Variants in ZNF607 observed in about 807,000 individuals in gnomAD.
ZNF607 encodes zinc finger protein 607.
A neutral mutation model predicts 12.8 loss-of-function variants in ZNF607; 5 were observed. The observed-to-expected ratio is 0.39, with a 90% CI of 0.20 to 0.82. The LOEUF is 0.82. Among genes scored for constraint, ZNF607 ranks in the 40% least tolerant of loss-of-function variants. The probability of loss-of-function intolerance (pLI) is 0.39; values close to 1 mark genes in which losing one functional copy is unlikely to be tolerated. For synonymous variants in ZNF607, 287 were observed against 276.2 expected (o/e 1.04, Z -0.39); for missense variants, 851 against 859.2 (o/e 0.99, Z 0.12).
chr19:37,706,221 G>GGAGAAAGGAGAGGAGAAAGGAGAA (rs2045082272), intron 4 of ZNF607, among the ~76,000 whole-genome samples: 2 of 149,482 alleles, frequency 1.3e-5, no homozygotes, highest in Non-Finnish European at 3.0e-5. Context: ...GGAGAAGAGA[G>GGAGAAAGGAGAGGAGAAAGGAGAA]GAGAAAGGAG....
At chr19:37,704,489 C>G (rs576665172) in intron 4 of ZNF607, among the ~76,000 whole-genome samples, 1 of 152,222 alleles carries the variant, frequency 6.6e-6, no homozygotes, top group South Asian at 2.1e-4. Flanking sequence ...GAAAACAAAC[C>G]AACATACTTC....
chr19:37,707,115 T>A (rs1459963310), intron 4 of ZNF607, among the ~76,000 whole-genome samples: 1 of 151,844 alleles, frequency 6.6e-6, no homozygotes, highest in Non-Finnish European at 1.5e-5. Flanking sequence ...TGTGAGCCAC[T>A]GAGCCCGGCC....
Position 37,699,139 on chromosome 19 carries a change from T to C in ZNF607, c.992A>G (p.Tyr331Cys). The C allele has an allele frequency of 6.2e-7, 1 of 1,614,182 alleles. No homozygotes were observed. Among genetic ancestry groups the C allele is most frequent in the Non-Finnish European group, 8.5e-7 (1 of 1,180,030 alleles). Residue 331 changes from tyrosine (Y) to cysteine (C), a missense_variant, in exon 5 of 5, where the codon TAT (tyrosine) becomes TGT (cysteine). Coordinates refer to ENST00000355202, the MANE Select transcript of ZNF607 (RefSeq NM_032689.5). The part of the protein sequence containing the change: ...RYQLTMHQRI[Y>C]SGEKHYECKE... ...ACATTCATAGTGTTTCTCCCCTGAA[T>C]AAATTCTCTGATGCATGGTAAGTTG... is the stretch of plus-strand genomic sequence containing the variant.
rs2045208162 is a variant in ZNF607 at position 37,719,724 on chromosome 19, ACCCACCGC to A, written c.-538_-531del. 1 of 152,338 alleles carries A rather than the reference ACCCACCGC, an allele frequency of 6.6e-6. No homozygotes were observed. The highest frequency in any genetic ancestry group is 6.5e-5 in the Admixed American group (1 of 15,288). 9.4% of individuals were successfully genotyped at this position (152,338 alleles called of 1,614,324 possible). A position where few individuals can be genotyped will look rare whatever the true frequency, so the allele number is the denominator to read the frequency against. On this transcript the variant is annotated 5_prime_UTR_variant, in exon 1 of 5. The change creates a new upstream start codon in the 5' untranslated region. Transcript: ENST00000355202. ...AGCGACCACTTGGACCGCGCCTCCC[ACCCACCGC>A]TCGAGCCCCGGAGACTTCTGGGAGT...
intron 4 of ZNF607, among the ~76,000 whole-genome samples, chr19:37,705,938 C>T (rs1368913414): frequency 2.0e-5 from 3 of 151,972 alleles, no homozygotes; most frequent in African/African-American, 7.3e-5. Context: ...TGGTGGCTTA[C>T]ATCTGTAATC....
chr19:37,719,688 A>T lies in ZNF607; in HGVS notation c.-494T>A, dbSNP rs2045207450. On this transcript the variant is annotated 5_prime_UTR_variant, in exon 1 of 5. Transcript: ENST00000355202. ...GAGTCCAGAATCCTAAAAACCTACGAGAAATACGGCAGCGACCACTTGGAC... is the reference window on the plus strand; with the variant it reads ...GAGTCCAGAATCCTAAAAACCTACGTGAAATACGGCAGCGACCACTTGGAC... 6.6e-6 allele frequency: 1 copy of T among 152,392 alleles called. No individual in the cohort carries two copies. Among genetic ancestry groups the T allele is most frequent in the African/African-American group, 2.4e-5 (1 of 41,482 alleles). The allele number at this position is 152,392 out of a possible 1,614,324, so 9.4% of individuals were successfully genotyped here.
chr19:37,701,953 T>C lies in ZNF607; in HGVS notation c.236-2058A>G, dbSNP rs536414251. The stretch of plus-strand genomic sequence containing the variant: ...AGAGTCAGTAAACTTGATTGATCAA[T>C]AGAAATTATTCAACTTGAAATGGAG... On this transcript the variant is annotated intron_variant, in intron 4 of 4. Transcript: ENST00000355202. Among the ~76,000 whole-genome samples the C allele has an allele frequency of 5.3e-5, 8 of 152,264 alleles. No individual in the cohort carries two copies. In the East Asian group the frequency reaches 9.6e-4, roughly 18 times the overall value.
intron 1 of ZNF607, among the ~76,000 whole-genome samples, chr19:37,713,392 G>A (rs1031057049): frequency 1.3e-5 from 2 of 151,502 alleles, no homozygotes; most frequent in Non-Finnish European, 2.9e-5. Flanking sequence ...TTCAAATACT[G>A]CAATTTTCAG....
intron 4 of ZNF607, among the ~76,000 whole-genome samples, chr19:37,703,329 A>C (rs535935828): frequency 7.2e-5 from 11 of 152,272 alleles, no homozygotes; most frequent in Non-Finnish European, 1.3e-4. Flanking sequence ...AGAGAAACTA[A>C]ATAGAGAAAA....
Position 37,698,738 on chromosome 19 carries a change from C to G in ZNF607, c.1393G>C (p.Val465Leu). 2 of 1,613,196 alleles carry G rather than the reference C, an allele frequency of 1.2e-6. No homozygotes were observed. Among genetic ancestry groups the G allele is most frequent in the Non-Finnish European group, 1.7e-6 (2 of 1,179,386 alleles). ...CCTGTATGAATTCTCTCATGTATAA[C>G]AAGATATGAGGCACAACGAAAGGAC... Reference protein sequence around the residue: ...GKSFRCASYLVIHERIHTGEK... With the variant: ...GKSFRCASYLLIHERIHTGEK... The change falls in exon 5 of 5, where the codon GTT (valine) becomes CTT (leucine). Residue 465 changes from valine (V) to leucine (L), a missense_variant. Coordinates refer to ENST00000355202, the MANE Select transcript of ZNF607 (RefSeq NM_032689.5).
chr19:37,699,494 T>A lies in ZNF607; in HGVS notation c.637A>T (p.Thr213Ser). ...GEAFRTSRQLTVHHRFHYGEK... is the reference protein window; with the variant it reads ...GEAFRTSRQLSVHHRFHYGEK... ...CCATAATGAAATCTATGATGTACAG[T>A]AAGTTGACGGCTAGTCCTAAAAGCT... Residue 213 changes from threonine (T) to serine (S), a missense_variant, in exon 5 of 5, where the codon ACT (threonine) becomes TCT (serine). Transcript: ENST00000355202. The A allele has an allele frequency of 6.2e-7, 1 of 1,613,892 alleles. No individual in the cohort carries two copies. Among genetic ancestry groups the A allele is most frequent in the Non-Finnish European group, 8.5e-7 (1 of 1,179,866 alleles).
rs771243900 is a variant in ZNF607, at chr19:37,698,438, C to A, written c.1693G>T (p.Glu565Ter). 6.2e-7 allele frequency: 1 copy of A among 1,613,994 alleles called. No individual in the cohort carries two copies. Among genetic ancestry groups the A allele is most frequent in the Non-Finnish European group, 8.5e-7 (1 of 1,180,012 alleles). The change falls in exon 5 of 5, where the codon GAA (glutamate) becomes TAA (stop). Residue 565 changes from glutamate (E) to a stop codon, truncating the protein, a stop_gained. Coordinates refer to ENST00000355202, the MANE Select transcript of ZNF607 (RefSeq NM_032689.5). LOFTEE classifies it low-confidence loss of function (END_TRUNC). ...HSAEKPYECKECGKAFRHATS... is the reference protein window; with the variant it reads ...HSAEKPYECK The stretch of plus-strand genomic sequence containing the variant: ...GCATGACGAAAGGCCTTGCCACATT[C>A]CTTACATTCGTAGGGTTTCTCAGCG...
intron 4 of ZNF607, among the ~76,000 whole-genome samples, chr19:37,703,106 C>T (rs1278350864): frequency 6.6e-6 from 1 of 151,778 alleles, no homozygotes. Flanking sequence ...GAATGCATCA[C>T]CATGCCTGGC....
chr19:37,707,493 G>C (rs1403347219), intron 4 of ZNF607, among the ~76,000 whole-genome samples: 3 of 152,242 alleles, frequency 2.0e-5, no homozygotes, highest in Non-Finnish European at 4.4e-5. Flanking sequence ...TTCTGGGCCA[G>C]GCACGGTGGT....
intron 4 of ZNF607, among the ~76,000 whole-genome samples, chr19:37,705,795 A>G (rs1027617103): frequency 9.9e-5 from 15 of 151,950 alleles, no homozygotes; most frequent in Admixed American, 5.9e-4. Flanking sequence ...AAAAAAAACT[A>G]TATTTCTTTC....
In ZNF607 at chr19:37,699,709, G is replaced by T. The variant is rs1434363316; in HGVS notation, c.422C>A (p.Pro141His). 6.2e-7 allele frequency: 1 copy of T among 1,614,034 alleles called. No homozygotes were observed. The highest frequency in any genetic ancestry group is 8.5e-7 in the Non-Finnish European group (1 of 1,179,986). ...VHQTIHTSEE[P>H]DQCEKFRKAF... ...CTTCCTAAACTTTTCACATTGATCAGGTTCCTCACTAGTATGAATTGTTTG... is the reference window on the plus strand; with the variant it reads ...CTTCCTAAACTTTTCACATTGATCATGTTCCTCACTAGTATGAATTGTTTG... The change falls in exon 5 of 5, where the codon CCT (proline) becomes CAT (histidine). Residue 141 changes from proline (P) to histidine (H), a missense_variant. By Grantham distance (77) the Pro-to-His change is moderately conservative (BLOSUM62 -2). Transcript: ENST00000355202.
At chr19:37,715,440 C>A (rs1256963667) in intron 1 of ZNF607, among the ~76,000 whole-genome samples, 3 of 151,254 alleles carry the variant, frequency 2.0e-5, no homozygotes, top group African/African-American at 7.3e-5. Context: ...AACCCCATCT[C>A]TACTAAAAAT....
intron 4 of ZNF607, among the ~76,000 whole-genome samples, chr19:37,706,132 T>G (rs1467787265): frequency 6.6e-6 from 1 of 151,962 alleles, no homozygotes; most frequent in African/African-American, 2.4e-5. Context: ...AGGTGGAGGT[T>G]GCAGTGAGCC....
intron 4 of ZNF607, among the ~76,000 whole-genome samples, chr19:37,703,293 TAATC>T (rs1187215071): frequency 6.7e-6 from 1 of 148,502 alleles, no homozygotes; most frequent in Non-Finnish European, 1.5e-5. Context: ...AAAATTGAAA[TAATC>T]AAAATTACAA....
Sources: allele counts gnomAD v4.1 joint callset (sites outside exome capture counted in the v4.1 genomes callset), GRCh38; gene constraint gnomAD v4.1.1; transcripts MANE v1.5; gene names NCBI Gene and HGNC (gene_info 2026-07-23, HGNC 2026-07-21).